The following IL16 variants were observed in gnomAD, a reference collection of about 807,000 sequenced individuals.
IL16 encodes interleukin 16.
In IL16, 67 loss-of-function variants were observed where a neutral mutation model predicts 110.1. That is an observed-to-expected ratio of 0.61 (90% confidence interval 0.50 to 0.75). The LOEUF (loss-of-function observed/expected upper bound fraction) is 0.75, where lower values mean the gene tolerates loss of function less well. Ranked by LOEUF, IL16 falls within the 30% of genes least tolerant of loss-of-function variation. The pLI is 0.00. For missense variants in IL16, 1,545 were observed against 1,655.0 expected (o/e 0.93, Z 1.15); for synonymous variants, 689 against 662.9 (o/e 1.04, Z -0.61).
intron 2 of IL16, among the ~76,000 whole-genome samples, chr15:81,259,276 C>G (rs150802044): frequency 1.5e-3 from 234 of 152,310 alleles, no homozygotes; most frequent in African/African-American, 5.6e-3. Flanking sequence ...AACAATGTAA[C>G]TTGCTCGATC....
chr15:81,284,004 GAAAAA>G (rs565288106), intron 9 of IL16, among the ~76,000 whole-genome samples: 1 of 82,702 alleles, frequency 1.2e-5, no homozygotes, highest in Non-Finnish European at 2.5e-5. Flanking sequence ...CCCTGTCTCA[GAAAAA>G]AAAAAAAAAA....
At chr15:81,219,770 C>T (rs1896553013) in intron 1 of IL16, among the ~76,000 whole-genome samples, 1 of 152,108 alleles carries the variant, frequency 6.6e-6, no homozygotes. Flanking sequence ...TTCTGTGGTC[C>T]TAGCTGAGAT....
chr15:81,250,440 G>T (rs1056883714), intron 2 of IL16, among the ~76,000 whole-genome samples: 5 of 152,184 alleles, frequency 3.3e-5, no homozygotes, highest in African/African-American at 1.2e-4. Context: ...GCCTCTCAAA[G>T]TGCTGCGATT....
chr15:81,232,645 T>G (rs1363242506), intron 2 of IL16, among the ~76,000 whole-genome samples: 2 of 152,246 alleles, frequency 1.3e-5, no homozygotes, highest in East Asian at 1.9e-4. Flanking sequence ...TACTTTTTCA[T>G]GTAGTGAATT....
At chr15:81,200,156 C>A (rs927557396) in intron 1 of IL16, among the ~76,000 whole-genome samples, 20 of 151,932 alleles carry the variant, frequency 1.3e-4, no homozygotes, top group Admixed American at 6.6e-5. Context: ...TTTATATTAT[C>A]TTTTTCATAC....
intron 7 of IL16, among the ~76,000 whole-genome samples, chr15:81,279,094 CTCTTTAATAT>C (rs1899047186): frequency 6.6e-6 from 1 of 152,188 alleles, no homozygotes; most frequent in South Asian, 2.1e-4. Flanking sequence ...GATTTTAAAA[CTCTTTAATAT>C]TTATAAAATT....
Position 81,231,319 on chromosome 15 carries a change from GGTCT to G in IL16, c.312+5613_312+5616del, listed in dbSNP as rs1432210606. Among the ~76,000 whole-genome samples, 22 of 41,756 alleles carry G rather than the reference GGTCT, an allele frequency of 5.3e-4. 1 individual carries two copies. Among genetic ancestry groups the G allele is most frequent in the African/African-American group, 1.1e-3 (17 of 15,316 alleles). 27.4% of individuals were successfully genotyped at this position (41,756 alleles called of 152,430 possible). A position where few individuals can be genotyped will look rare whatever the true frequency, so the allele number is the denominator to read the frequency against. ...GGGGAGGGGAGATCTACCCAAGGTC[GGTCT>G]GTCTCTCTCTCTCTCTCTCTCTCTC... On this transcript the variant is annotated intron_variant, in intron 2 of 18. Coordinates refer to ENST00000683961, the MANE Select transcript of IL16 (RefSeq NM_172217.5).
intron 11 of IL16, chr15:81,291,861 G>A: frequency 2.2e-6 from 1 of 454,584 alleles, no homozygotes; most frequent in Non-Finnish European, 4.4e-6. Context: ...TAGTTTCTCT[G>A]TCTTTGTTAT....
intron 2 of IL16, among the ~76,000 whole-genome samples, chr15:81,252,752 T>C (rs1897810134): frequency 1.3e-5 from 2 of 152,218 alleles, no homozygotes; most frequent in South Asian, 4.1e-4. Flanking sequence ...CTCTCGTGAC[T>C]GGCTTCTTTC....
chr15:81,263,600 C>G (rs1898250070), intron 3 of IL16, among the ~76,000 whole-genome samples: 1 of 152,214 alleles, frequency 6.6e-6, no homozygotes, highest in African/African-American at 2.4e-5. Flanking sequence ...TGCGTCCCCA[C>G]AGATCTGAAT....
intron 1 of IL16, among the ~76,000 whole-genome samples, chr15:81,209,702 G>A (rs1274601723): frequency 6.6e-6 from 1 of 152,072 alleles, no homozygotes; most frequent in African/African-American, 2.4e-5. Context: ...GTACTCAATA[G>A]CCCACACCCA....
chr15:81,236,227 T>A (rs1244909150), intron 2 of IL16, among the ~76,000 whole-genome samples: 1 of 152,254 alleles, frequency 6.6e-6, no homozygotes, highest in Middle Eastern at 3.2e-3. Flanking sequence ...TCCTTTGCTT[T>A]GCTGCCTGTG....
intron 1 of IL16, among the ~76,000 whole-genome samples, chr15:81,203,085 G>T (rs1395988356): frequency 6.6e-6 from 1 of 151,742 alleles, no homozygotes; most frequent in African/African-American, 2.4e-5. Flanking sequence ...GTGATGATGA[G>T]CACTTTTTCA....
At chr15:81,195,397 TGA>T (rs1208217714), upstream of IL16, among the ~76,000 whole-genome samples, 1 of 152,116 alleles carries the variant, frequency 6.6e-6, no homozygotes, top group African/African-American at 2.4e-5. Flanking sequence ...CAGGCCATTG[TGA>T]GAGAGATTGT....
upstream of IL16, chr15:81,196,797 C>G: frequency 9.2e-7 from 1 of 1,091,736 alleles, no homozygotes; most frequent in South Asian, 2.1e-5. Context: ...GGCAGCCCCC[C>G]TTTTTGGATC....
intron 1 of IL16, among the ~76,000 whole-genome samples, chr15:81,206,116 T>C (rs1168546490): frequency 6.6e-6 from 1 of 152,244 alleles, no homozygotes; most frequent in Non-Finnish European, 1.5e-5. Flanking sequence ...AGAGCTTGAA[T>C]TCTATGACTT....
chr15:81,272,848 C>T lies in IL16; in HGVS notation c.676-242C>T, dbSNP rs558809642. 3.9e-5 allele frequency among the ~76,000 whole-genome samples: 6 copies of T among 152,324 alleles called. No homozygotes were observed. In the East Asian group the frequency reaches 7.7e-4, roughly 20 times the overall value. On this transcript the variant is annotated intron_variant, in intron 5 of 18. Transcript: ENST00000683961. ...CTGTGTGGGAAACTTCAGATTCCCG[C>T]GAAAGCTCCAGACACTACCCAGCCC...
At chr15:81,252,831 A>G (rs541393409) in intron 2 of IL16, among the ~76,000 whole-genome samples, 2 of 152,292 alleles carry the variant, frequency 1.3e-5, no homozygotes, top group South Asian at 2.1e-4. Context: ...TTAATTGGCA[A>G]TCTTCTATTA....
intron 1 of IL16, among the ~76,000 whole-genome samples, chr15:81,222,552 G>A (rs1452563347): frequency 6.6e-6 from 1 of 151,720 alleles, no homozygotes; most frequent in Non-Finnish European, 1.5e-5. Context: ...CCACCTCTAT[G>A]AGTTCTGTAC....
Sources: allele counts gnomAD v4.1 joint callset (sites outside exome capture counted in the v4.1 genomes callset), GRCh38; gene constraint gnomAD v4.1.1; transcripts MANE v1.5; gene names NCBI Gene and HGNC (gene_info 2026-07-23, HGNC 2026-07-21).